The following DNAI4 variants were observed in gnomAD, a reference collection of about 807,000 sequenced individuals.
DNAI4 encodes the protein WD repeat domain 78.
Under a neutral mutation model 105.8 loss-of-function variants are expected in DNAI4, and 85 were observed. The observed-to-expected ratio is 0.80, with a 90% CI of 0.67 to 0.96. The LOEUF (loss-of-function observed/expected upper bound fraction) is 0.96. Ranked by LOEUF, DNAI4 falls within the 40% of genes least tolerant of loss-of-function variation. The pLI is 0.00. For missense variants in DNAI4, 1,014 were observed against 1,005.6 expected, an observed-to-expected ratio of 1.01 and a Z score of -0.11; for synonymous variants, 352 against 331.5, an observed-to-expected ratio of 1.06 and a Z score of -0.67.
At chr1:66,897,773 A>T (rs926232336) in intron 2 of DNAI4, among the ~76,000 whole-genome samples, 5 of 152,224 alleles carry the variant, frequency 3.3e-5, no homozygotes, top group Non-Finnish European at 7.3e-5. Flanking sequence ...CAGGCTTACA[A>T]AAAGCAAAAG....
intron 7 of DNAI4, among the ~76,000 whole-genome samples, chr1:66,854,198 T>A (rs1239958398): frequency 6.6e-6 from 1 of 152,074 alleles, no homozygotes; most frequent in Non-Finnish European, 1.5e-5. Flanking sequence ...TTGAGAACAG[T>A]CTGGGCAACA....
chr1:66,842,948 A>G (rs905911719), intron 8 of DNAI4, among the ~76,000 whole-genome samples: 2 of 151,866 alleles, frequency 1.3e-5, no homozygotes, highest in Non-Finnish European at 2.9e-5. Context: ...CTGTAATCCC[A>G]GCACTTTGGG....
chr1:66,840,663 G>T lies in DNAI4; in HGVS notation c.1300C>A (p.Pro434Thr). The change falls in exon 9 of 17, where the codon CCT becomes ACT. Residue 434 changes from proline (P) to threonine (T), a missense_variant. By Grantham distance (38) the Pro-to-Thr change is conservative (BLOSUM62 -1). Coordinates refer to ENST00000371026, the MANE Select transcript of DNAI4 (RefSeq NM_024763.5). ...RQLPVLKEPE[P>T]EEPEDVLESA... The stretch of plus-strand genomic sequence containing the variant: ...TCTAAAACATCTTCAGGCTCTTCAG[G>T]TTCAGGTTCTAAAGTTTAAACAAAT... 1.2e-6 allele frequency: 2 copies of T among 1,613,986 alleles called. No individual in the cohort carries two copies. Among genetic ancestry groups the T allele is most frequent in the Non-Finnish European group, 1.7e-6 (2 of 1,180,000 alleles).
intron 4 of DNAI4, among the ~76,000 whole-genome samples, chr1:66,878,204 G>T (rs138091417): frequency 6.6e-6 from 1 of 151,944 alleles, no homozygotes; most frequent in Non-Finnish European, 1.5e-5. Context: ...GAACTCATGC[G>T]TATTTATTTT....
intron 6 of DNAI4, 195 bp downstream of exon 6, chr1:66,871,175 A>C: frequency 4.2e-6 from 2 of 481,568 alleles, no homozygotes; most frequent in Non-Finnish European, 7.2e-6. Context: ...TAATTATGTT[A>C]TTCAAATCTA....
rs373696146 is a variant in DNAI4 at position 66,823,425 on chromosome 1, G to T, written c.2340-908C>A. 2.0e-5 allele frequency among the ~76,000 whole-genome samples: 3 copies of T among 152,052 alleles called. No individual in the cohort carries two copies. In the East Asian group the frequency reaches 5.8e-4, roughly 29 times the overall value. On this transcript the variant is annotated intron_variant, in intron 15 of 16. Transcript: ENST00000371026. The stretch of plus-strand genomic sequence containing the variant: ...TTATAGTCCTTTAGGTATATACCCA[G>T]TAATGGGATGGCTGGGTCAAATGGT...
chr1:66,873,844 CCT>C (rs1316863514), intron 5 of DNAI4, among the ~76,000 whole-genome samples: 3 of 149,648 alleles, frequency 2.0e-5, no homozygotes, highest in South Asian at 2.1e-4. Flanking sequence ...TTCTTTTTTC[CCT>C]CTTTCCTTTT....
At chr1:66,891,029 C>T (rs183742754) in intron 4 of DNAI4, 125 bp downstream of exon 4, 13 of 793,982 alleles carry the variant, frequency 1.6e-5, no homozygotes, top group Admixed American at 1.2e-4. Context: ...TCTCTTGAAG[C>T]GACTTCACAA....
intron 1 of DNAI4, among the ~76,000 whole-genome samples, chr1:66,913,869 C>G (rs1048623611): frequency 6.6e-6 from 1 of 151,934 alleles, no homozygotes; most frequent in Non-Finnish European, 1.5e-5. Flanking sequence ...GTAGTCCCAG[C>G]TACTCGGGAG....
chr1:66,914,234 G>A (rs1049074834), intron 1 of DNAI4, among the ~76,000 whole-genome samples: 2 of 152,178 alleles, frequency 1.3e-5, no homozygotes, highest in African/African-American at 4.8e-5. Flanking sequence ...CAAAGTATAC[G>A]TAAAATGGAA....
chr1:66,886,649 G>A lies in DNAI4; in HGVS notation c.643+4505C>T, dbSNP rs1054808622. Among the ~76,000 whole-genome samples the A allele has an allele frequency of 2.6e-5, 4 of 152,138 alleles. No homozygotes were observed. In the East Asian group the frequency reaches 7.7e-4, roughly 29 times the overall value. ...AGTATTGTTACTCTGGAGGTTCACT[G>A]GTAGTAAGTGTGGAGAAGGGAAGTA... is the stretch of plus-strand genomic sequence containing the variant. On this transcript the variant is annotated intron_variant, in intron 4 of 16. Transcript: ENST00000371026.
intron 5 of DNAI4, 66 bp downstream of exon 5, chr1:66,874,715 A>C (rs551958695): frequency 1.3e-6 from 2 of 1,523,740 alleles, no homozygotes; most frequent in Middle Eastern, 3.5e-4. Flanking sequence ...CACAGAAACA[A>C]GGATAAGAAC....
intron 4 of DNAI4, among the ~76,000 whole-genome samples, chr1:66,882,509 GCTCTCT>G (rs145528588): frequency 2.7e-5 from 4 of 150,448 alleles, no homozygotes; most frequent in African/African-American, 9.7e-5. Context: ...CTGTGTCTAT[GCTCTCT>G]CTCTCTCTCT....
At chr1:66,844,536 C>A (rs1274757094) in intron 8 of DNAI4, among the ~76,000 whole-genome samples, 1 of 152,024 alleles carries the variant, frequency 6.6e-6, no homozygotes, top group East Asian at 1.9e-4. Context: ...GCACTCCAGT[C>A]TGGGACAGAG....
intron 2 of DNAI4, among the ~76,000 whole-genome samples, chr1:66,904,254 G>T (rs1649068653): frequency 6.6e-6 from 1 of 152,080 alleles, no homozygotes; most frequent in Non-Finnish European, 1.5e-5. Context: ...GGAATAGCTG[G>T]ATGATATAGT....
chr1:66,839,589 A>G (rs1646104286), intron 9 of DNAI4, among the ~76,000 whole-genome samples: 1 of 152,230 alleles, frequency 6.6e-6, no homozygotes, highest in Non-Finnish European at 1.5e-5. Context: ...TATTTATATC[A>G]AAGATACTGC....
rs12025342 is a variant in DNAI4, at chr1:66,836,214, G to A, written c.1582-437C>T. Among the ~76,000 whole-genome samples, 133 of 96,722 alleles carry A rather than the reference G, an allele frequency of 1.4e-3. 4 individuals are homozygous for A. The highest frequency in any genetic ancestry group is 2.1e-3 in the African/African-American group (56 of 26,070). The allele number at this position is 96,722 out of a possible 152,430, so 63.5% of individuals were successfully genotyped here. On this transcript the variant is annotated intron_variant, in intron 10 of 16. Transcript: ENST00000371026. ...AAAGAAAGAAAGAAAGAAAGAGAGA[G>A]AGAGAGAGAGAGAGAGAGAGAAAGA...
At position 66,832,932 on chromosome 1, in the gene DNAI4, T is replaced by TGA. The variant is rs561985423; in HGVS notation, c.2013+651_2013+652dup. ...AGTAGTCTTTCTAATCCCCAAATCC[T>TGA]GAGAGTCACCACGTGAATTGAAATG... On this transcript the variant is annotated intron_variant, in intron 13 of 16. Coordinates refer to ENST00000371026, the MANE Select transcript of DNAI4 (RefSeq NM_024763.5). Among the ~76,000 whole-genome samples the TGA allele has an allele frequency of 3.3e-5, 5 of 152,316 alleles. No homozygotes were observed. In the South Asian group the frequency reaches 1.0e-3, roughly 32 times the overall value.
chr1:66,869,353 CTTTT>C (rs1646794978), intron 6 of DNAI4, among the ~76,000 whole-genome samples: 1 of 151,548 alleles, frequency 6.6e-6, no homozygotes, highest in Non-Finnish European at 1.5e-5. Flanking sequence ...AAGAATCATT[CTTTT>C]TTTATTTTCA....
Sources: allele counts gnomAD v4.1 joint callset (sites outside exome capture counted in the v4.1 genomes callset), GRCh38; gene constraint gnomAD v4.1.1; transcripts MANE v1.5; gene names NCBI Gene and HGNC (gene_info 2026-07-23, HGNC 2026-07-21).